RBFOX1: variants seen among roughly 807,000 people sequenced by gnomAD.
The protein encoded by RBFOX1 is RNA binding protein fox-1 homolog 1.
A neutral mutation model predicts 57.7 loss-of-function variants in RBFOX1; 8 were observed. The ratio of observed to expected loss-of-function variants is 0.14; its 90% confidence interval spans 0.08 to 0.25. RBFOX1 has a LOEUF of 0.25. RBFOX1 is among the 10% of genes least tolerant of loss of function. The probability of loss-of-function intolerance (pLI) is 1.00; values close to 1 mark genes in which losing one functional copy is unlikely to be tolerated. For synonymous variants in RBFOX1, 326 were observed against 222.4 expected, an observed-to-expected ratio of 1.47 and a Z score of -4.15; for missense variants, 611 against 548.5, an observed-to-expected ratio of 1.11 and a Z score of -1.14.
At chr16:7,057,260 G>C (rs1391151410) in intron 4 of RBFOX1, among the ~76,000 whole-genome samples, 1 of 152,150 alleles carries the variant, frequency 6.6e-6, no homozygotes, top group African/African-American at 2.4e-5. Context: ...TCTCAGTTAA[G>C]GTTGTTTGGA....
chr16:6,092,717 C>G (rs1207037279), intron 1 of RBFOX1: 1 of 152,120 alleles, frequency 6.6e-6, no homozygotes, highest in African/African-American at 2.4e-5. Context: ...GGCATTATTT[C>G]TGGGCCCTCT....
chr16:6,059,880 C>T (rs1036572634), intron 1 of RBFOX1, among the ~76,000 whole-genome samples: 3 of 152,154 alleles, frequency 2.0e-5, no homozygotes, highest in Middle Eastern at 3.4e-3. Flanking sequence ...CCCATAATGA[C>T]TTGATGAGAG....
At chr16:5,916,515 T>C (rs1355009694) in intron 4 of RBFOX1, among the ~76,000 whole-genome samples, 1 of 152,130 alleles carries the variant, frequency 6.6e-6, no homozygotes, top group Non-Finnish European at 1.5e-5. Flanking sequence ...GTTTTAAGCT[T>C]TTGTAGGGGC....
rs140258419 is a variant in RBFOX1, at chr16:7,600,436, A to G, written c.622+3005A>G. ...GATAAATTCCCTTAAGTGGCAATACAATATAACTGAAAAAATATAGGGCCC... is the reference window on the plus strand; with the variant it reads ...GATAAATTCCCTTAAGTGGCAATACGATATAACTGAAAAAATATAGGGCCC... On this transcript the variant is annotated intron_variant, in intron 9 of 15. Transcript: ENST00000550418. Among the ~76,000 whole-genome samples the G allele has an allele frequency of 9.8e-5, 15 of 152,302 alleles. No individual in the cohort carries two copies. In the East Asian group the frequency reaches 2.9e-3, roughly 29 times the overall value.
intron 1 of RBFOX1, among the ~76,000 whole-genome samples, chr16:6,191,564 A>C (rs11646736): frequency 0.29 from 43,704 of 152,054 alleles, 7,603 homozygotes; most frequent in Middle Eastern, 0.49. Context: ...TATTGGAGAG[A>C]AAAAAAGTTA....
At chr16:7,510,611 CTT>C (rs2074821517) in intron 4 of RBFOX1, among the ~76,000 whole-genome samples, 1 of 152,108 alleles carries the variant, frequency 6.6e-6, no homozygotes, top group Non-Finnish European at 1.5e-5. Context: ...CATTTTTCTT[CTT>C]TGTTTGAATG....
At chr16:5,571,982 G>A (rs930426041) in intron 2 of RBFOX1, among the ~76,000 whole-genome samples, 5 of 152,162 alleles carry the variant, frequency 3.3e-5, no homozygotes, top group African/African-American at 4.8e-5. Context: ...CTTATGTGGG[G>A]CCCCAGGAGA....
At chr16:6,118,914 T>A (rs1236467270) in intron 1 of RBFOX1, among the ~76,000 whole-genome samples, 1 of 151,978 alleles carries the variant, frequency 6.6e-6, no homozygotes. Flanking sequence ...ACCATCACAT[T>A]AGTGATTAGG....
At chr16:6,629,104 T>C (rs781588709) in intron 2 of RBFOX1, among the ~76,000 whole-genome samples, 4 of 152,158 alleles carry the variant, frequency 2.6e-5, no homozygotes, top group Admixed American at 2.0e-4. Flanking sequence ...GTACATACTT[T>C]TGTGTGTGTA....
chr16:6,227,352 C>T (rs1167053043), intron 1 of RBFOX1, among the ~76,000 whole-genome samples: 1 of 152,118 alleles, frequency 6.6e-6, no homozygotes, highest in African/African-American at 2.4e-5. Context: ...GGCTTTGGGA[C>T]CACATTTTCA....
intron 3 of RBFOX1, among the ~76,000 whole-genome samples, chr16:6,993,301 C>G (rs1197549035): frequency 6.6e-6 from 1 of 152,206 alleles, no homozygotes; most frequent in African/African-American, 2.4e-5. Flanking sequence ...TTCTGAGAAT[C>G]AGGATCTCTT....
intron 2 of RBFOX1, among the ~76,000 whole-genome samples, chr16:6,469,551 T>C (rs541863444): frequency 4.9e-4 from 74 of 152,280 alleles, no homozygotes; most frequent in Non-Finnish European, 8.5e-4. Flanking sequence ...GAGATGCAAA[T>C]GCTCGGAGGT....
Position 6,433,846 on chromosome 16 carries a change from CTTTTT to C in RBFOX1, c.-64+116803_-64+116807del, listed in dbSNP as rs201617630. On this transcript the variant is annotated intron_variant, in intron 2 of 15. Transcript: ENST00000550418. ...CTAGCTCCAACCTCTTTTCATTTTTCTTTTTTTTTTTTTTTTTTGAGATGGGGGTC... is the reference window on the plus strand; with the variant it reads ...CTAGCTCCAACCTCTTTTCATTTTTCTTTTTTTTTTTTTGAGATGGGGGTC... Among the ~76,000 whole-genome samples, 1,068 of 127,156 alleles carry C rather than the reference CTTTTT, an allele frequency of 8.4e-3. 11 individuals carry two copies. The highest frequency in any genetic ancestry group is 0.029 in the African/African-American group (967 of 33,042). The allele number at this position is 127,156 out of a possible 152,430, so 83.4% of individuals were successfully genotyped here.
At chr16:5,898,651 A>C (rs2058226681) in intron 4 of RBFOX1, among the ~76,000 whole-genome samples, 1 of 151,924 alleles carries the variant, frequency 6.6e-6, no homozygotes, top group South Asian at 2.1e-4. Flanking sequence ...GTCCAAAATT[A>C]CCCAGGTAGT....
chr16:6,112,090 G>A (rs2096453205), intron 1 of RBFOX1, among the ~76,000 whole-genome samples: 2 of 152,164 alleles, frequency 1.3e-5, no homozygotes, highest in South Asian at 2.1e-4. Context: ...CAGTGTAAGA[G>A]TGGTTTGGAA....
At chr16:6,156,467 C>G (rs1435929967) in intron 1 of RBFOX1, among the ~76,000 whole-genome samples, 1 of 152,194 alleles carries the variant, frequency 6.6e-6, no homozygotes, top group Non-Finnish European at 1.5e-5. Context: ...GTGAAGAGCT[C>G]AGATGGGGCA....
At chr16:6,948,063 G>C (rs142579313) in intron 3 of RBFOX1, among the ~76,000 whole-genome samples, 2 of 152,094 alleles carry the variant, frequency 1.3e-5, no homozygotes, top group Admixed American at 6.6e-5. Flanking sequence ...ACAAGCATCA[G>C]CCACCATGGC....
intron 1 of RBFOX1, among the ~76,000 whole-genome samples, chr16:6,135,342 T>A (rs1174741036): frequency 6.6e-6 from 1 of 152,240 alleles, no homozygotes; most frequent in Admixed American, 6.5e-5. Context: ...TAGGCTTCAT[T>A]CTGATAAGAG....
intron 14 of RBFOX1, among the ~76,000 whole-genome samples, chr16:7,693,602 C>G (rs2077894388): frequency 6.6e-6 from 1 of 151,888 alleles, no homozygotes; most frequent in South Asian, 2.1e-4. Flanking sequence ...AATACATGGT[C>G]CAGAAAAGTA....
Sources: allele counts gnomAD v4.1 joint callset (sites outside exome capture counted in the v4.1 genomes callset), GRCh38; gene constraint gnomAD v4.1.1; transcripts MANE v1.5; gene names NCBI Gene and HGNC (gene_info 2026-07-23, HGNC 2026-07-21).